Variants in PTPN6 observed in about 807,000 individuals in gnomAD.
PTPN6 encodes the protein tyrosine-protein phosphatase non-receptor type 6.
A neutral mutation model predicts 81.5 loss-of-function variants in PTPN6; 18 were observed. The ratio of observed to expected loss-of-function variants is 0.22; its 90% CI spans 0.15 to 0.33. The LOEUF (loss-of-function observed/expected upper bound fraction) is 0.33, where lower values mean the gene tolerates loss of function less well. Ranked by LOEUF, PTPN6 falls within the 10% of genes least tolerant of loss-of-function variation. The pLI, the probability that PTPN6 is intolerant of heterozygous loss-of-function variation, is 1.00. For missense variants in PTPN6, 500 were observed against 794.2 expected, an observed-to-expected ratio of 0.63 and a Z score of 4.45; for synonymous variants, 301 against 310.9, an observed-to-expected ratio of 0.97 and a Z score of 0.33.
upstream of PTPN6, among the ~76,000 whole-genome samples, chr12:6,947,014 T>C (rs1945833827): frequency 6.6e-6 from 1 of 152,224 alleles, no homozygotes; most frequent in Admixed American, 6.5e-5. Context: ...CTCCTGCTTC[T>C]GCCTCCTGCT....
In PTPN6 at chr12:6,960,579, G is replaced by C; in HGVS notation, c.1673+144G>C. On this transcript the variant is annotated intron_variant, in intron 14 of 15. Coordinates refer to ENST00000318974, the MANE Select transcript of PTPN6 (RefSeq NM_002831.6). This position sits in a 1 kb window ranked among gnomAD's most constrained non-coding sequence, Gnocchi z 6.1. ...TGGTTCTCACCCCTTCTGTTCATAAGCATTTCCTGAGTGCCCACACGTGTG... is the reference window on the plus strand; with the variant it reads ...TGGTTCTCACCCCTTCTGTTCATAACCATTTCCTGAGTGCCCACACGTGTG... 1 of 1,441,920 alleles carries C rather than the reference G, an allele frequency of 6.9e-7. No individual in the cohort carries two copies. The highest frequency in any genetic ancestry group is 9.5e-7 in the Non-Finnish European group (1 of 1,048,848). 89.3% of individuals were successfully genotyped at this position (1,441,920 alleles called of 1,614,324 possible).
At chr12:6,950,160 G>C (rs144667358), upstream of PTPN6, among the ~76,000 whole-genome samples, 21 of 149,306 alleles carry the variant, frequency 1.4e-4, no homozygotes, top group African/African-American at 5.0e-4. Flanking sequence ...AAGTTTCCCA[G>C]AAATTGTTCC....
chr12:6,947,657 A>G (rs782264788), upstream of PTPN6, among the ~76,000 whole-genome samples: 2 of 148,318 alleles, frequency 1.3e-5, no homozygotes, highest in African/African-American at 5.0e-5. Context: ...CGACAGAGTG[A>G]GACCTTGTCT....
At chr12:6,950,769 A>T (rs1297189920), upstream of PTPN6, among the ~76,000 whole-genome samples, 3 of 152,186 alleles carry the variant, frequency 2.0e-5, no homozygotes, top group African/African-American at 7.2e-5. Context: ...TAGGAGTTCA[A>T]AGCACTGGCT....
At chr12:6,948,876 C>T (rs782452753), upstream of PTPN6, among the ~76,000 whole-genome samples, 92 of 148,328 alleles carry the variant, frequency 6.2e-4, no homozygotes, top group Middle Eastern at 3.6e-3. Flanking sequence ...ACCCAGGAGG[C>T]GGAGGTTGCA....
chr12:6,952,482 C>G lies in PTPN6; in HGVS notation c.326+305C>G. 1 of 494,936 alleles carries G rather than the reference C, an allele frequency of 2.0e-6. No individual in the cohort carries two copies. Among genetic ancestry groups the G allele is most frequent in the South Asian group, 2.1e-5 (1 of 47,054 alleles). 30.7% of individuals were successfully genotyped at this position (494,936 alleles called of 1,614,324 possible). On this transcript the variant is annotated intron_variant, in intron 3 of 15. Coordinates refer to ENST00000318974, the MANE Select transcript of PTPN6 (RefSeq NM_002831.6). The surrounding 1 kb of genome is among the most constrained non-coding windows in gnomAD (Gnocchi z 8.1). Reference sequence around the variant, plus strand: ...GAGACAGGGAGGCCACTGCTGGTGGCCAGCATGTCGTGCAGGCCAGCTCTG... The same window carrying G: ...GAGACAGGGAGGCCACTGCTGGTGGGCAGCATGTCGTGCAGGCCAGCTCTG...
upstream of PTPN6, chr12:6,946,762 G>T (rs782420440): frequency 4.4e-6 from 7 of 1,607,778 alleles, no homozygotes; most frequent in South Asian, 7.8e-5. Context: ...CACCATCGGG[G>T]TCCCAGTCTC....
At position 6,955,842 on chromosome 12, in the gene PTPN6, G is replaced by T. The variant is rs957604310; in HGVS notation, c.844+86G>T. ...CATCTCACAGGTCTCCACCCTCCAC[G>T]CCAGGAGGGGCCATCTCCCCACACC... On this transcript the variant is annotated intron_variant, in intron 7 of 15. Transcript: ENST00000318974. The surrounding 1 kb of genome is among the most constrained non-coding windows in gnomAD (Gnocchi z 7.2). 1 of 1,240,814 alleles carries T rather than the reference G, an allele frequency of 8.1e-7. No homozygotes were observed. Among genetic ancestry groups the T allele is most frequent in the Non-Finnish European group, 1.2e-6 (1 of 850,948 alleles). 76.9% of individuals were successfully genotyped at this position (1,240,814 alleles called of 1,614,324 possible). A position where few individuals can be genotyped will look rare whatever the true frequency, so the allele number is the denominator to read the frequency against.
rs1946133304 is a variant in PTPN6, at chr12:6,961,173, A to G, written c.*73A>G. Reference sequence around the variant, plus strand: ...GCATTTCGCGATGGACAGACTCACAACCTGAACCTAGGAGTGCCCCATTCT... The same window carrying G: ...GCATTTCGCGATGGACAGACTCACAGCCTGAACCTAGGAGTGCCCCATTCT... On this transcript the variant is annotated 3_prime_UTR_variant, in exon 16 of 16. Transcript: ENST00000318974. The G allele has an allele frequency of 1.3e-5, 8 of 605,902 alleles. No homozygotes were observed. In the East Asian group the frequency reaches 2.3e-4, roughly 17 times the overall value. The allele number at this position is 605,902 out of a possible 1,614,324, so 37.5% of individuals were successfully genotyped here.
chr12:6,958,566 C>T (rs1267054507), intron 11 of PTPN6, among the ~76,000 whole-genome samples: 2 of 152,266 alleles, frequency 1.3e-5, no homozygotes, highest in East Asian at 3.8e-4. Context: ...TCTCTCCCAG[C>T]TTCCCCAGGC....
In PTPN6 at chr12:6,959,586, TG is replaced by T; in HGVS notation, c.1362-338del. 2.0e-6 allele frequency: 1 copy of T among 498,530 alleles called. No individual in the cohort carries two copies. Among genetic ancestry groups the T allele is most frequent in the Non-Finnish European group, 3.6e-6 (1 of 274,192 alleles). The allele number at this position is 498,530 out of a possible 1,614,324, so 30.9% of individuals were successfully genotyped here. On this transcript the variant is annotated intron_variant, in intron 11 of 15. Coordinates refer to ENST00000318974, the MANE Select transcript of PTPN6 (RefSeq NM_002831.6). The surrounding 1 kb of genome is among the most constrained non-coding windows in gnomAD (Gnocchi z 6.6). ...AGAGGCGGGGAGGGCTCAGGGTACCTGGGAGCCGGCAGGACAGTGGTGGGAT... is the reference window on the plus strand; with the variant it reads ...AGAGGCGGGGAGGGCTCAGGGTACCTGGAGCCGGCAGGACAGTGGTGGGAT...
Position 6,959,567 on chromosome 12 carries a change from G to A in PTPN6, c.1362-360G>A, listed in dbSNP as rs781852215. ...CTCCATAACTCCTTCAGGGAGAGGC[G>A]GGGAGGGCTCAGGGTACCTGGGAGC... is the stretch of plus-strand genomic sequence containing the variant. On this transcript the variant is annotated intron_variant, in intron 11 of 15. Coordinates refer to ENST00000318974, the MANE Select transcript of PTPN6 (RefSeq NM_002831.6). The surrounding 1 kb of genome is among the most constrained non-coding windows in gnomAD (Gnocchi z 6.6). 4 of 470,542 alleles carry A rather than the reference G, an allele frequency of 8.5e-6. No homozygotes were observed. Among genetic ancestry groups the A allele is most frequent in the African/African-American group, 3.9e-5 (2 of 51,112 alleles). 29.1% of individuals were successfully genotyped at this position (470,542 alleles called of 1,614,324 possible). A position where few individuals can be genotyped will look rare whatever the true frequency, so the allele number is the denominator to read the frequency against.
At position 6,957,533 on chromosome 12, in the gene PTPN6, C is replaced by A. The variant is rs1946052744; in HGVS notation, c.1075-121C>A. ...CCAGGTCTCCTGCCTCTCTGCCAGC[C>A]CATCCGTCCATCCAACAAATGTTTG... On this transcript the variant is annotated intron_variant, in intron 9 of 15. Transcript: ENST00000318974. The surrounding 1 kb of genome is among the most constrained non-coding windows in gnomAD (Gnocchi z 6.5). 1.5e-6 allele frequency: 2 copies of A among 1,333,714 alleles called. No homozygotes were observed. Among genetic ancestry groups the A allele is most frequent in the Non-Finnish European group, 2.1e-6 (2 of 963,576 alleles). The allele number at this position is 1,333,714 out of a possible 1,614,324, so 82.6% of individuals were successfully genotyped here.
rs183020942 is a variant in PTPN6, at chr12:6,954,952, A to G, written c.474A>G (p.Pro158=). 341 of 1,614,126 alleles carry G rather than the reference A, an allele frequency of 2.1e-4. 1 individual carries two copies. The East Asian group carries it at 7.5e-3, about 35-fold the overall frequency. The change falls in exon 4 of 16, where the codon CCA becomes CCG. Residue 158 remains proline (P), a synonymous_variant. Transcript: ENST00000318974. The surrounding 1 kb of genome is among the most constrained non-coding windows in gnomAD (Gnocchi z 5.4). The stretch of plus-strand genomic sequence containing the variant: ...TCAGTGACCAGCCCAAGGCTGGCCC[A>G]GGCTCCCCGCTCAGGGTCACCCACA... The part of the protein sequence containing the change: ...SVLSDQPKAG[P]GSPLRVTHIK...
chr12:6,955,490 A>G lies in PTPN6; in HGVS notation c.747+5A>G, dbSNP rs1027567228. The G allele has an allele frequency of 6.2e-6, 10 of 1,612,984 alleles. No homozygotes were observed. The highest frequency in any genetic ancestry group is 8.5e-6 in the Non-Finnish European group (10 of 1,179,218). On this transcript the variant is annotated splice_donor_5th_base_variant and intron_variant, in intron 6 of 15. Coordinates refer to ENST00000318974, the MANE Select transcript of PTPN6 (RefSeq NM_002831.6). This position sits in a 1 kb window ranked among gnomAD's most constrained non-coding sequence, Gnocchi z 7.2. ...GGCTTCTGGGAGGAGTTTGAGGTGC[A>G]TGGTGGGGACCGGCAGGGCTGGGGC...
In PTPN6 at chr12:6,956,013, C is replaced by T. The variant is rs782561636; in HGVS notation, c.845-129C>T. 2.1e-6 allele frequency: 2 copies of T among 967,348 alleles called. No individual in the cohort carries two copies. The highest frequency in any genetic ancestry group is 3.3e-6 in the Non-Finnish European group (2 of 614,378). 59.9% of individuals were successfully genotyped at this position (967,348 alleles called of 1,614,324 possible). ...TACAGATGATCCCCCACCCCTGCTG[C>T]CCACAGTCCCCCGCAAGCCTCATGG... On this transcript the variant is annotated intron_variant, in intron 7 of 15. Transcript: ENST00000318974. This position sits in a 1 kb window ranked among gnomAD's most constrained non-coding sequence, Gnocchi z 4.1.
chr12:6,948,620 G>A (rs949012992), upstream of PTPN6, among the ~76,000 whole-genome samples: 1 of 151,788 alleles, frequency 6.6e-6, no homozygotes, highest in South Asian at 2.1e-4. Flanking sequence ...AAAAGAAAAA[G>A]TGACAACCGG....
At position 6,960,274 on chromosome 12, in the gene PTPN6, C is replaced by T. The variant is rs1555149574; in HGVS notation, c.1581+35C>T. On this transcript the variant is annotated intron_variant, in intron 13 of 15. Coordinates refer to ENST00000318974, the MANE Select transcript of PTPN6 (RefSeq NM_002831.6). This position sits in a 1 kb window ranked among gnomAD's most constrained non-coding sequence, Gnocchi z 6.1. ...GAGCAGGGCCTGGGGGGGGGGGGGG[C>T]TGCAGTGCAGGATGGGTGCCACCTG... is the stretch of plus-strand genomic sequence containing the variant. The T allele has an allele frequency of 1.3e-6, 2 of 1,591,260 alleles. No individual in the cohort carries two copies. Among genetic ancestry groups the T allele is most frequent in the South Asian group, 2.2e-5 (2 of 90,440 alleles).
chr12:6,957,879 C>A lies in PTPN6; in HGVS notation c.1207-40C>A. ...GTAGGGTGAGATGGATGAGGTGTTC[C>A]GAGAGAGGAGGGGGCACTGACCCTA... On this transcript the variant is annotated intron_variant, in intron 10 of 15. Transcript: ENST00000318974. This position sits in a 1 kb window ranked among gnomAD's most constrained non-coding sequence, Gnocchi z 6.5. 3 of 1,613,930 alleles carry A rather than the reference C, an allele frequency of 1.9e-6. No homozygotes were observed. The highest frequency in any genetic ancestry group is 2.5e-6 in the Non-Finnish European group (3 of 1,179,998).
Sources: allele counts gnomAD v4.1 joint callset (sites outside exome capture counted in the v4.1 genomes callset), GRCh38; gene constraint gnomAD v4.1.1; non-coding constraint Gnocchi (gnomAD v3.1); transcripts MANE v1.5; gene names NCBI Gene and HGNC (gene_info 2026-07-23, HGNC 2026-07-21).